Variants in ZNF582 observed in about 807,000 individuals in gnomAD.
ZNF582 encodes zinc finger protein 582.
A neutral mutation model predicts 12.3 loss-of-function variants in ZNF582; 14 were observed. The observed-to-expected ratio is 1.14, with a 90% CI of 0.75 to 1.78. The LOEUF (loss-of-function observed/expected upper bound fraction) is 1.78. Among genes scored for constraint, ZNF582 ranks in the 40% most tolerant of loss-of-function variants. The pLI is 0.00. For missense variants in ZNF582, 567 were observed against 616.5 expected, an observed-to-expected ratio of 0.92 and a Z score of 0.85; for synonymous variants, 210 against 207.2, an observed-to-expected ratio of 1.01 and a Z score of -0.11.
At chr19:56,386,111 T>C (rs1230714970) in intron 4 of ZNF582, 1 of 152,178 alleles carries the variant, frequency 6.6e-6, no homozygotes, top group African/African-American at 2.4e-5. Context: ...AATCTTGTAT[T>C]TTACCACAGT....
chr19:56,384,724 T>C (rs1207795831), exon 5 of ZNF582: 2 of 1,610,806 alleles, frequency 1.2e-6, no homozygotes, highest in Non-Finnish European at 8.5e-7. Flanking sequence ...CCTTTCCACA[T>C]TCCTTACATT....
At chr19:56,385,206 T>C (rs1181505211) in intron 4 of ZNF582, 22 bp from the exon 5 acceptor site, 10 of 1,543,394 alleles carry the variant, frequency 6.5e-6, no homozygotes, top group Admixed American at 4.2e-5. Flanking sequence ...AAAAAGCGAA[T>C]ATGTTTGGCT....
chr19:56,384,680 T>C (rs748503426), exon 5 of ZNF582: 1 of 1,613,650 alleles, frequency 6.2e-7, no homozygotes, highest in South Asian at 1.1e-5. Context: ...ATGAACTCTC[T>C]GATGTTGTAT....
intron 4 of ZNF582, among the ~76,000 whole-genome samples, chr19:56,385,425 C>A (rs1454995989): frequency 6.6e-6 from 1 of 152,146 alleles, no homozygotes; most frequent in East Asian, 1.9e-4. Context: ...GTGGCTCATG[C>A]CTGTAATCCC....
intron 3 of ZNF582, 35 bp from the exon 4 acceptor site, chr19:56,390,131 G>C: frequency 6.2e-7 from 1 of 1,601,568 alleles, no homozygotes; most frequent in Non-Finnish European, 8.5e-7. Flanking sequence ...CCTGGTTATG[G>C]TGTGGGGGCC....
intron 4 of ZNF582, among the ~76,000 whole-genome samples, chr19:56,385,971 G>A (rs1466904852): frequency 2.0e-5 from 3 of 152,114 alleles, no homozygotes; most frequent in Non-Finnish European, 4.4e-5. Flanking sequence ...CCAAAAGAGT[G>A]AATTTTAAAA....
intron 2 of ZNF582, among the ~76,000 whole-genome samples, chr19:56,391,047 G>A (rs1170493860): frequency 1.3e-5 from 2 of 152,182 alleles, no homozygotes; most frequent in Non-Finnish European, 2.9e-5. Flanking sequence ...AAACCATGGA[G>A]ATAACTTTTA....
In ZNF582 at chr19:56,385,203, G is replaced by A. The variant is rs761472037; in HGVS notation, c.233-19C>T. The A allele has an allele frequency of 1.9e-5, 30 of 1,547,908 alleles. No individual in the cohort carries two copies. Among genetic ancestry groups the A allele is most frequent in the South Asian group, 1.4e-4 (11 of 81,242 alleles). The stretch of plus-strand genomic sequence containing the variant: ...TCCAATACTAAGAATGAAAAAAAGC[G>A]AATATGTTTGGCTTCTTTTTTTTTC... On this transcript the variant is annotated intron_variant, in intron 4 of 4. Coordinates refer to ENST00000586929, the Ensembl canonical transcript of ZNF582.
chr19:56,384,396 A>G (rs1410773359), exon 5 of ZNF582: 2 of 1,604,234 alleles, frequency 1.2e-6, no homozygotes, highest in African/African-American at 2.7e-5. Context: ...CATTCCTTAC[A>G]TTCATAGAGT....
At chr19:56,384,712 G>A (rs2041949799) in exon 5 of ZNF582, 1 of 1,611,962 alleles carries the variant, frequency 6.2e-7, no homozygotes, top group East Asian at 2.2e-5. Flanking sequence ...CAGAATTGAA[G>A]GCCTTTCCAC....
chr19:56,386,383 A>G (rs2041966097), intron 4 of ZNF582: 2 of 152,256 alleles, frequency 1.3e-5, no homozygotes, highest in Admixed American at 6.5e-5. Context: ...GCCCATTATC[A>G]ACTGAATGAC....
chr19:56,393,127 T>G, intron 1 of ZNF582, 93 bp downstream of exon 1: 1 of 1,068,566 alleles, frequency 9.4e-7, no homozygotes, highest in African/African-American at 1.9e-5. Context: ...TGAAACAAGA[T>G]TTCCTCTCAG....
In ZNF582 at chr19:56,391,834, T is replaced by G. The variant is rs2042016439; in HGVS notation, c.-80-2A>C. 2 of 1,613,452 alleles carry G rather than the reference T, an allele frequency of 1.2e-6. No individual in the cohort carries two copies. Among genetic ancestry groups the G allele is most frequent in the Non-Finnish European group, 1.7e-6 (2 of 1,179,792 alleles). On this transcript the variant is annotated splice_acceptor_variant, in intron 1 of 4. Transcript: ENST00000586929. LOFTEE classifies it low-confidence loss of function (5UTR_SPLICE). ...GGGCAGAGTCCTGCGACGGTAGAGC[T>G]GGGGGAGGAAAGAGCAAACATGAGA... is the stretch of plus-strand genomic sequence containing the variant.
At chr19:56,392,296 A>C (rs910586129) in intron 1 of ZNF582, among the ~76,000 whole-genome samples, 1 of 152,248 alleles carries the variant, frequency 6.6e-6, no homozygotes, top group African/African-American at 2.4e-5. Flanking sequence ...CCAACCGCCA[A>C]ATATACAAAA....
intron 4 of ZNF582, 109 bp downstream of exon 4, chr19:56,389,892 A>C: frequency 1.3e-6 from 1 of 789,242 alleles, no homozygotes; most frequent in Non-Finnish European, 2.1e-6. Context: ...CGTAAGACAT[A>C]AGCTTTGAAG....
intron 2 of ZNF582, among the ~76,000 whole-genome samples, chr19:56,391,001 G>A (rs1477466734): frequency 6.6e-6 from 1 of 152,160 alleles, no homozygotes; most frequent in Non-Finnish European, 1.5e-5. Flanking sequence ...TCATCATTAT[G>A]TTGGAACATA....
chr19:56,389,002 T>C (rs2041993970), intron 4 of ZNF582, among the ~76,000 whole-genome samples: 1 of 152,198 alleles, frequency 6.6e-6, no homozygotes, highest in African/African-American at 2.4e-5. Context: ...AAGGGCTCCC[T>C]GCTCAGGTCC....
chr19:56,390,606 A>G (rs2042007329), intron 2 of ZNF582, 105 bp from the exon 3 acceptor site: 7 of 1,267,414 alleles, frequency 5.5e-6, no homozygotes, highest in Non-Finnish European at 7.8e-6. Flanking sequence ...TTTGTTGAAC[A>G]AGAAGGGTGG....
chr19:56,393,207 C>G lies in ZNF582; in HGVS notation c.-81+13G>C, dbSNP rs1371863158. On this transcript the variant is annotated intron_variant, in intron 1 of 4. Coordinates refer to ENST00000586929, the Ensembl canonical transcript of ZNF582. ...CCGCAATTTCAGGGGGTCGGAGACC[C>G]CTGCGCACCCACCTAAGGGGTCCAT... The G allele has an allele frequency of 1.5e-5, 19 of 1,263,708 alleles. No homozygotes were observed. Among genetic ancestry groups the G allele is most frequent in the Non-Finnish European group, 1.9e-5 (19 of 982,212 alleles). The allele number at this position is 1,263,708 out of a possible 1,614,324, so 78.3% of individuals were successfully genotyped here. A position where few individuals can be genotyped will look rare whatever the true frequency, so the allele number is the denominator to read the frequency against.
Sources: gnomAD v4.1 joint callset for allele counts (sites outside exome capture counted in the v4.1 genomes callset) on GRCh38, gnomAD v4.1.1 for gene constraint, MANE v1.5 for transcripts, NCBI Gene and HGNC (gene_info 2026-07-23, HGNC 2026-07-21) for gene names.